Variants in TDRD12 observed in about 807,000 individuals in gnomAD.
The protein encoded by TDRD12 is putative ATP-dependent RNA helicase TDRD12.
A neutral mutation model predicts 133.5 loss-of-function variants in TDRD12; 158 were observed. The ratio of observed to expected loss-of-function variants is 1.18; its 90% CI spans 1.04 to 1.35. The LOEUF (loss-of-function observed/expected upper bound fraction) is 1.35, where lower values mean the gene tolerates loss of function less well. TDRD12 is among the 40% of genes most tolerant of loss of function. The pLI, the probability that TDRD12 is intolerant of heterozygous loss-of-function variation, is 0.00. For missense variants in TDRD12, 1,443 were observed against 1,321.3 expected, an observed-to-expected ratio of 1.09 and a Z score of -1.43; for synonymous variants, 460 against 477.9, an observed-to-expected ratio of 0.96 and a Z score of 0.49.
At chr19:32,725,680 AGTGTCG>A (rs1166577593) in intron 1 of TDRD12, among the ~76,000 whole-genome samples, 3 of 152,050 alleles carry the variant, frequency 2.0e-5, no homozygotes, top group Admixed American at 6.6e-5. Context: ...TTTGCTTAGG[AGTGTCG>A]TGGCTATATG....
chr19:32,823,313 A>G (rs146973051), downstream of TDRD12, among the ~76,000 whole-genome samples: 3 of 151,772 alleles, frequency 2.0e-5, no homozygotes, highest in Admixed American at 6.6e-5. Context: ...ATTCCCATGC[A>G]TCTCTGGGTA....
rs1967006563 is a variant in TDRD12, at chr19:32,811,545, T to G, written c.3048+125T>G. The G allele has an allele frequency of 3.3e-6, 3 of 897,514 alleles. No homozygotes were observed. In the South Asian group the frequency reaches 4.7e-5, roughly 14 times the overall value. 55.6% of individuals were successfully genotyped at this position (897,514 alleles called of 1,614,324 possible). A position where few individuals can be genotyped will look rare whatever the true frequency, so the allele number is the denominator to read the frequency against. ...TTGGGCAGGGAAAGTGCAGTCTGCT[T>G]AGATCCCCACGGTGTGTGAACGTCC... On this transcript the variant is annotated intron_variant, in intron 24 of 27. Transcript: ENST00000444215.
Position 32,789,799 on chromosome 19 carries a change from G to A in TDRD12, c.1122-732G>A, listed in dbSNP as rs201443408. On this transcript the variant is annotated intron_variant, in intron 11 of 27. Transcript: ENST00000444215. ...GCGGTTCACCTGAGGTCAGGAGTTC[G>A]AGACCAGCCTGGACAACAATGGTGA... Among the ~76,000 whole-genome samples, 4 of 152,116 alleles carry A rather than the reference G, an allele frequency of 2.6e-5. No homozygotes were observed. In the East Asian group the frequency reaches 5.8e-4, roughly 22 times the overall value.
chr19:32,755,673 A>C (rs1176550613), intron 6 of TDRD12, among the ~76,000 whole-genome samples: 2 of 152,238 alleles, frequency 1.3e-5, no homozygotes, highest in Non-Finnish European at 2.9e-5. Flanking sequence ...CCAATGTAAC[A>C]GTCTTTCCTT....
chr19:32,743,348 ACTCCC>A (rs898428695), intron 4 of TDRD12, among the ~76,000 whole-genome samples: 9 of 141,282 alleles, frequency 6.4e-5, no homozygotes, highest in African/African-American at 2.4e-4. Flanking sequence ...TACCCAGCTA[ACTCCC>A]CTCCCCTCCC....
Position 32,725,093 on chromosome 19 carries a change from C to T in TDRD12, c.24+4997C>T, listed in dbSNP as rs565097456. Among the ~76,000 whole-genome samples the T allele has an allele frequency of 2.6e-5, 4 of 152,078 alleles. No individual in the cohort carries two copies. The South Asian group carries it at 8.3e-4, about 32-fold the overall frequency. On this transcript the variant is annotated intron_variant, in intron 1 of 27. Transcript: ENST00000444215. ...CTTGTAAATTTGTTTCAGTTCCTTA[C>T]AGATTCTGGATATTAGATCTTTGTC...
At chr19:32,739,860 C>CTCTGCATCTCCTGGTGCGCTG (rs1454389645) in intron 3 of TDRD12, among the ~76,000 whole-genome samples, 1,904 of 115,496 alleles carry the variant, frequency 0.016, 101 homozygotes, top group East Asian at 0.1. Flanking sequence ...CTGGTGTGCT[C>CTCTGCATCTCCTGGTGCGCTG]TCTGCATCTC....
chr19:32,749,403 C>T (rs1479449289), intron 5 of TDRD12, among the ~76,000 whole-genome samples: 1 of 152,118 alleles, frequency 6.6e-6, no homozygotes, highest in Non-Finnish European at 1.5e-5. Flanking sequence ...AAGGACTTAG[C>T]ACAGCACCTG....
chr19:32,744,245 A>G (rs529180230), intron 4 of TDRD12, among the ~76,000 whole-genome samples: 1 of 152,032 alleles, frequency 6.6e-6, no homozygotes, highest in East Asian at 2.0e-4. Flanking sequence ...TCATGCCTGT[A>G]AGCCCAGCAC....
At chr19:32,795,759 A>G (rs1971207554) in intron 14 of TDRD12, among the ~76,000 whole-genome samples, 1 of 152,212 alleles carries the variant, frequency 6.6e-6, no homozygotes, top group African/African-American at 2.4e-5. Flanking sequence ...TGATGCTGGC[A>G]TCTGCTCGGC....
chr19:32,754,313 A>G (rs868301701), intron 6 of TDRD12, among the ~76,000 whole-genome samples: 1 of 152,148 alleles, frequency 6.6e-6, no homozygotes, highest in Non-Finnish European at 1.5e-5. Context: ...TACAAAAAAT[A>G]CAAAAATTAG....
chr19:32,793,460 A>G (rs2145671560), intron 13 of TDRD12, among the ~76,000 whole-genome samples: 1 of 152,304 alleles, frequency 6.6e-6, no homozygotes, highest in East Asian at 1.9e-4. Context: ...CTCAATACCA[A>G]GTGCAGAGCA....
chr19:32,826,671 T>A lies in TDRD12; in HGVS notation c.1049+73T>A. The A allele has an allele frequency of 2.5e-6, 3 of 1,220,088 alleles. No individual in the cohort carries two copies. The highest frequency in any genetic ancestry group is 3.1e-6 in the Non-Finnish European group (3 of 981,608). The allele number at this position is 1,220,088 out of a possible 1,614,324, so 75.6% of individuals were successfully genotyped here. A position where few individuals can be genotyped will look rare whatever the true frequency, so the allele number is the denominator to read the frequency against. On this transcript the variant is annotated intron_variant, in intron 9 of 9. Transcript: ENST00000637289. The stretch of plus-strand genomic sequence containing the variant: ...TATTCACGCGCTCACTGTCAGCTGT[T>A]CTCTTGAACAGAACCCCAACGTGGC...
downstream of TDRD12, among the ~76,000 whole-genome samples, chr19:32,822,463 C>A (rs922556280): frequency 4.0e-5 from 6 of 151,776 alleles, no homozygotes; most frequent in African/African-American, 1.5e-4. Flanking sequence ...AATAGATAAA[C>A]GGGGCTGGGT....
intron 17 of TDRD12, 100 bp from the exon 18 acceptor site, chr19:32,800,544 C>T: frequency 9.7e-7 from 1 of 1,030,104 alleles, no homozygotes; most frequent in Non-Finnish European, 1.3e-6. Context: ...TATTGATTTC[C>T]TATACATTCT....
At position 32,741,918 on chromosome 19, in the gene TDRD12, G is replaced by A. The variant is rs186778163; in HGVS notation, c.321-863G>A. Among the ~76,000 whole-genome samples the A allele has an allele frequency of 1.6e-3, 244 of 152,152 alleles. 2 individuals are homozygous for A. Among genetic ancestry groups the A allele is most frequent in the African/African-American group, 5.1e-3 (210 of 41,518 alleles). On this transcript the variant is annotated intron_variant, in intron 3 of 27. Coordinates refer to ENST00000444215, the Ensembl canonical transcript of TDRD12. ...AAATGTAAAAATAAAGTGCTCTGTC[G>A]TTTGCCAAAGAAGAATGGAAATTAA...
In TDRD12 at chr19:32,790,999, A is replaced by C. The variant is rs537336999; in HGVS notation, c.1218A>C (p.Val406=). The C allele has an allele frequency of 8.8e-4, 1,351 of 1,536,110 alleles. 25 individuals carry two copies. In the South Asian group the frequency reaches 0.015, roughly 17 times the overall value. The change falls in exon 13 of 28, where the codon GTA becomes GTC. Residue 406 remains valine (V), a synonymous_variant. Transcript: ENST00000444215. ...TGAAGGGCCTGCAGCCGCCCGTGGT[A>C]GTGCTCCGGAACAAGATCAAGCCCT...
intron 2 of TDRD12, among the ~76,000 whole-genome samples, chr19:32,733,567 G>A (rs894921298): frequency 2.0e-5 from 3 of 152,098 alleles, no homozygotes; most frequent in Admixed American, 2.0e-4. Flanking sequence ...AAGAATAGGT[G>A]TACTGTGAAC....
exon 10 of TDRD12, chr19:32,827,366 T>TCTTTTCTTTC: frequency 2.3e-6 from 1 of 438,300 alleles, no homozygotes; most frequent in Non-Finnish European, 3.1e-6. Context: ...CTTTTTCTTT[T>TCTTTTCTTTC]CTTTTCTTTT....
Sources: gnomAD v4.1 joint callset for allele counts (sites outside exome capture counted in the v4.1 genomes callset) on GRCh38, gnomAD v4.1.1 for gene constraint, MANE v1.5 for transcripts, NCBI Gene and HGNC (gene_info 2026-07-23, HGNC 2026-07-21) for gene names.